ENKUR: variants seen among roughly 807,000 people sequenced by gnomAD.
The protein encoded by ENKUR is enkurin.
A neutral mutation model predicts 27.6 loss-of-function variants in ENKUR; 19 were observed. The observed-to-expected ratio is 0.69, with a 90% CI of 0.48 to 1.01. The LOEUF is 1.01. Ranked by LOEUF, ENKUR falls within the 50% of genes least tolerant of loss-of-function variation. The pLI, the probability that ENKUR is intolerant of heterozygous loss-of-function variation, is 0.00. For missense variants in ENKUR, 312 were observed against 310.5 expected (o/e 1.00, Z -0.04); for synonymous variants, 117 against 96.9 (o/e 1.21, Z -1.22).
rs1850804181 is a variant in ENKUR at position 25,024,625 on chromosome 10, G to C, written c.38-28756C>G. On this transcript the variant is annotated intron_variant, in intron 2 of 5. Coordinates refer to the ENKUR transcript ENST00000615958. Reference sequence around the variant, plus strand: ...GGAATATGGAACAATCTTAAGTTCGGCTAACTCCATAAACTGGGGCCGACT... The same window carrying C: ...GGAATATGGAACAATCTTAAGTTCGCCTAACTCCATAAACTGGGGCCGACT... 1.9e-6 allele frequency: 3 copies of C among 1,614,060 alleles called. No individual in the cohort carries two copies. In the Admixed American group the frequency reaches 5.0e-5, roughly 27 times the overall value.
chr10:25,021,617 A>C (rs1850720683), intron 2 of ENKUR: 1 of 152,224 alleles, frequency 6.6e-6, no homozygotes, highest in South Asian at 2.1e-4. Flanking sequence ...AAACATATGA[A>C]AAGGGTCAAT....
rs761035948 is a variant in ENKUR at position 24,984,742 on chromosome 10, G to A, written c.758C>T (p.Ala253Val). 1 of 1,604,832 alleles carries A rather than the reference G, an allele frequency of 6.2e-7. No individual in the cohort carries two copies. The highest frequency in any genetic ancestry group is 1.1e-5 in the South Asian group (1 of 87,864). Residue 253 changes from alanine to valine, a missense_variant, in exon 5 of 6, where the codon GCC becomes GTC. By Grantham distance (64) the Ala-to-Val change is moderately conservative. Transcript: ENST00000331161. ...IIEKHKIIYI[A>V]NNA The stretch of plus-strand genomic sequence containing the variant: ...TTTAAAGATCCATTCTTACTTATTG[G>A]CAATATAAATAATCTTGTGCTTTTC...
intron 1 of ENKUR, among the ~76,000 whole-genome samples, chr10:25,013,903 T>A (rs952371225): frequency 1.3e-5 from 2 of 151,732 alleles, no homozygotes; most frequent in African/African-American, 4.8e-5. Flanking sequence ...GATGGCGCCA[T>A]TGCACTCCAG....
chr10:25,027,023 T>A (rs1181172890), intron 2 of ENKUR, among the ~76,000 whole-genome samples: 1 of 152,170 alleles, frequency 6.6e-6, no homozygotes, highest in East Asian at 1.9e-4. Flanking sequence ...GTAGATGATA[T>A]ATTTAGAAAC....
intron 4 of ENKUR, among the ~76,000 whole-genome samples, chr10:24,986,943 T>A (rs1448529272): frequency 6.6e-6 from 1 of 152,150 alleles, no homozygotes. Flanking sequence ...TTGGAAAAAA[T>A]TCAGACAGGG....
intron 2 of ENKUR, chr10:25,023,723 T>G (rs1850771503): frequency 6.2e-7 from 1 of 1,613,692 alleles, no homozygotes. Context: ...CGTCTAAAAT[T>G]AATGAAGACA....
At chr10:24,992,882 C>A (rs114789552) in intron 3 of ENKUR, among the ~76,000 whole-genome samples, 1,587 of 152,282 alleles carry the variant, frequency 0.01, 31 homozygotes, top group Middle Eastern at 0.037. Flanking sequence ...ACAGGCCAAT[C>A]CACTTCAGGA....
At chr10:25,040,392 G>A (rs1234035746) in intron 2 of ENKUR, among the ~76,000 whole-genome samples, 3 of 108,010 alleles carry the variant, frequency 2.8e-5, no homozygotes, top group Non-Finnish European at 6.1e-5. Flanking sequence ...TTTTTTTTGA[G>A]ACCGAGTCTC....
In ENKUR at chr10:25,027,655, G is replaced by A. The variant is rs541482376; in HGVS notation, c.38-31786C>T. 9.6e-4 allele frequency among the ~76,000 whole-genome samples: 146 copies of A among 152,110 alleles called. 1 individual carries two copies. In the South Asian group the frequency reaches 0.012, roughly 13 times the overall value. On this transcript the variant is annotated intron_variant, in intron 2 of 5. Coordinates refer to the ENKUR transcript ENST00000615958. ...TGTAATCCCAGCACTTTGGGAGGCC[G>A]AGGAGGGTGGATCACCTGAGGCCAG...
chr10:25,027,261 C>T (rs1010647921), intron 2 of ENKUR, among the ~76,000 whole-genome samples: 28 of 143,956 alleles, frequency 1.9e-4, no homozygotes, highest in African/African-American at 7.3e-4. Context: ...GAGGCTGAGG[C>T]AGGAGAATGG....
At chr10:25,056,699 T>C (rs764028474) in intron 2 of ENKUR, among the ~76,000 whole-genome samples, 1 of 152,210 alleles carries the variant, frequency 6.6e-6, no homozygotes, top group Non-Finnish European at 1.5e-5. Flanking sequence ...CAAGACATAC[T>C]GAAACGTTAG....
chr10:24,997,539 A>T (rs1047443709), intron 2 of ENKUR, among the ~76,000 whole-genome samples: 12 of 151,942 alleles, frequency 7.9e-5, no homozygotes, highest in Middle Eastern at 3.4e-3. Context: ...GATGTGCATC[A>T]GCACACCTAG....
intron 5 of ENKUR, 146 bp downstream of exon 5, chr10:24,984,590 C>A (rs755114283): frequency 7.7e-6 from 8 of 1,035,378 alleles, no homozygotes; most frequent in Non-Finnish European, 1.1e-5. Context: ...CTCAATTATT[C>A]TTTGCATATT....
At chr10:25,047,418 C>T (rs781762106) in intron 2 of ENKUR, among the ~76,000 whole-genome samples, 12 of 152,162 alleles carry the variant, frequency 7.9e-5, no homozygotes, top group Non-Finnish European at 1.5e-4. Context: ...CTTCCTTCAC[C>T]GTGCTTCTCA....
chr10:25,055,281 G>A (rs1051950856), intron 2 of ENKUR, among the ~76,000 whole-genome samples: 3 of 151,610 alleles, frequency 2.0e-5, no homozygotes, highest in Admixed American at 6.6e-5. Flanking sequence ...GCATGCAAAA[G>A]TTGAGCAGGG....
intron 2 of ENKUR, among the ~76,000 whole-genome samples, chr10:24,998,942 G>A (rs1287462366): frequency 6.6e-6 from 1 of 152,150 alleles, no homozygotes; most frequent in Non-Finnish European, 1.5e-5. Context: ...AGTCTTAAAG[G>A]TCTGGGAGAG....
chr10:24,998,303 C>T (rs1268930769), intron 2 of ENKUR, among the ~76,000 whole-genome samples: 1 of 150,032 alleles, frequency 6.7e-6, no homozygotes, highest in African/African-American at 2.4e-5. Flanking sequence ...CTTCTCTTCT[C>T]TTCTCCTCTC....
chr10:25,048,044 C>A (rs545274815), intron 2 of ENKUR, among the ~76,000 whole-genome samples: 2 of 152,278 alleles, frequency 1.3e-5, no homozygotes, highest in African/African-American at 4.8e-5. Flanking sequence ...ACCCTAATCT[C>A]TACACCACAG....
chr10:25,018,659 G>GTTTTTTTTTTTTTTTTTTT (rs374289213), upstream of ENKUR, among the ~76,000 whole-genome samples: 1 of 93,716 alleles, frequency 1.1e-5, no homozygotes, highest in African/African-American at 3.5e-5. Context: ...AATGAGAGTT[G>GTTTTTTTTTTTTTTTTTTT]TTTTTTTTTT....
Sources: allele counts gnomAD v4.1 joint callset (sites outside exome capture counted in the v4.1 genomes callset), GRCh38; gene constraint gnomAD v4.1.1; transcripts MANE v1.5; gene names NCBI Gene and HGNC (gene_info 2026-07-23, HGNC 2026-07-21).